POU6F2: variants seen among roughly 807,000 people sequenced by gnomAD.
POU6F2 encodes POU class 6 homeobox 2.
A neutral mutation model predicts 71.3 loss-of-function variants in POU6F2; 31 were observed. The observed-to-expected ratio is 0.43, with a 90% CI of 0.33 to 0.59. The LOEUF (loss-of-function observed/expected upper bound fraction) is 0.59, where lower values mean the gene tolerates loss of function less well. Among genes scored for constraint, POU6F2 ranks in the 20% least tolerant of loss-of-function variants. The pLI is 0.04. For missense variants in POU6F2, 783 were observed against 856.8 expected (o/e 0.91, Z 1.07); for synonymous variants, 347 against 355.7 (o/e 0.98, Z 0.27).
rs1371043425 is a variant in POU6F2 at position 39,260,162 on chromosome 7, C to T, written c.598+52542C>T. 7.4e-5 allele frequency among the ~76,000 whole-genome samples: 11 copies of T among 147,844 alleles called. No individual in the cohort carries two copies. The South Asian group carries it at 8.6e-4, about 12-fold the overall frequency. ...ACACACTCTGTACTCATACACACAC[C>T]GCACACACTCCATACTGTGCTCACA... On this transcript the variant is annotated intron_variant, in intron 4 of 9. Transcript: ENST00000518318.
chr7:39,000,856 G>T (rs1391343820), intron 1 of POU6F2, among the ~76,000 whole-genome samples: 1 of 152,028 alleles, frequency 6.6e-6, no homozygotes, highest in Non-Finnish European at 1.5e-5. Context: ...CTTTTCCTTA[G>T]ATCTCCCAAC....
chr7:39,131,162 C>A (rs1243549200), intron 2 of POU6F2, among the ~76,000 whole-genome samples: 1 of 152,154 alleles, frequency 6.6e-6, no homozygotes. Flanking sequence ...GCTCAGATTC[C>A]CGCTCCTCCG....
chr7:39,315,951 G>A (rs758118943), intron 4 of POU6F2, among the ~76,000 whole-genome samples: 4 of 152,172 alleles, frequency 2.6e-5, no homozygotes, highest in Non-Finnish European at 5.9e-5. Context: ...TCTCCTGTGA[G>A]AAAAATTCTG....
intron 4 of POU6F2, among the ~76,000 whole-genome samples, chr7:39,301,411 G>T (rs926184616): frequency 6.6e-6 from 1 of 152,184 alleles, no homozygotes; most frequent in Non-Finnish European, 1.5e-5. Context: ...TTCTGTTGTT[G>T]AATCCATTGT....
intron 4 of POU6F2, among the ~76,000 whole-genome samples, chr7:39,305,051 T>C (rs1159909007): frequency 6.6e-6 from 1 of 152,272 alleles, no homozygotes; most frequent in Non-Finnish European, 1.5e-5. Context: ...TCTGCAATTA[T>C]GTATACTATA....
chr7:39,146,741 G>C (rs138528277), intron 2 of POU6F2, among the ~76,000 whole-genome samples: 5 of 152,196 alleles, frequency 3.3e-5, no homozygotes, highest in Non-Finnish European at 7.4e-5. Flanking sequence ...TTTTATTTCT[G>C]ATTCTCATCG....
intron 4 of POU6F2, among the ~76,000 whole-genome samples, chr7:39,241,393 A>G (rs1783723561): frequency 6.6e-6 from 1 of 152,194 alleles, no homozygotes; most frequent in African/African-American, 2.4e-5. Flanking sequence ...AGATGTTAAA[A>G]TGCCAAATGG....
chr7:39,411,201 C>T (rs144842891), intron 6 of POU6F2, among the ~76,000 whole-genome samples: 74 of 152,162 alleles, frequency 4.9e-4, no homozygotes, highest in African/African-American at 1.6e-3. Context: ...TTGGATAGTT[C>T]GGCAGGGAGG....
At chr7:38,990,834 C>T (rs868179294) in intron 1 of POU6F2, among the ~76,000 whole-genome samples, 3 of 151,948 alleles carry the variant, frequency 2.0e-5, no homozygotes, top group South Asian at 2.1e-4. Context: ...CCCAGCAATG[C>T]GGGAAATTGG....
intron 2 of POU6F2, among the ~76,000 whole-genome samples, chr7:39,166,442 G>A (rs562246377): frequency 6.6e-6 from 1 of 152,238 alleles, no homozygotes; most frequent in African/African-American, 2.4e-5. Flanking sequence ...TTCGCCTGCT[G>A]AATTATGGAT....
intron 6 of POU6F2, among the ~76,000 whole-genome samples, chr7:39,427,551 T>C (rs569709838): frequency 1.2e-4 from 18 of 152,298 alleles, no homozygotes; most frequent in Admixed American, 6.5e-4. Context: ...TCCAAGTTCT[T>C]TACTCTTGTC....
intron 4 of POU6F2, among the ~76,000 whole-genome samples, chr7:39,252,403 C>G (rs6977505): frequency 0.34 from 19,053 of 56,792 alleles, 1,505 homozygotes; most frequent in African/African-American, 0.46. Context: ...CAGACAGACA[C>G]ACACACACAC....
At chr7:39,351,880 G>A (rs1284365848) in intron 5 of POU6F2, among the ~76,000 whole-genome samples, 1 of 152,170 alleles carries the variant, frequency 6.6e-6, no homozygotes, top group Non-Finnish European at 1.5e-5. Flanking sequence ...CACCCACTGC[G>A]CAAATCTGCC....
At chr7:39,239,597 A>G (rs1783675974) in intron 4 of POU6F2, among the ~76,000 whole-genome samples, 2 of 152,156 alleles carry the variant, frequency 1.3e-5, no homozygotes, top group African/African-American at 2.4e-5. Flanking sequence ...GACCAAGATC[A>G]TTAGGGAAGG....
In POU6F2 at chr7:39,085,811, A is replaced by C. The variant is rs756769156; in HGVS notation, c.106-49A>C. Reference sequence around the variant, plus strand: ...AGGGAGAGAGAGGACACGCACTCTAAATCTGCCACTTTTTTTTTCCTCCCC... The same window carrying C: ...AGGGAGAGAGAGGACACGCACTCTACATCTGCCACTTTTTTTTTCCTCCCC... On this transcript the variant is annotated intron_variant, in intron 1 of 9. Coordinates refer to ENST00000518318, the MANE Select transcript of POU6F2 (RefSeq NM_001370959.1). The C allele has an allele frequency of 3.8e-6, 6 of 1,595,756 alleles. No individual in the cohort carries two copies. The Admixed American group carries it at 5.1e-5, about 14-fold the overall frequency.
At chr7:38,994,400 G>A (rs1357244054) in intron 1 of POU6F2, among the ~76,000 whole-genome samples, 2 of 152,084 alleles carry the variant, frequency 1.3e-5, no homozygotes, top group Non-Finnish European at 2.9e-5. Context: ...AGGAAGGGAA[G>A]GATAATTCTG....
chr7:39,239,223 C>G (rs1783662435), intron 4 of POU6F2, among the ~76,000 whole-genome samples: 1 of 152,098 alleles, frequency 6.6e-6, no homozygotes, highest in African/African-American at 2.4e-5. Context: ...CCACCACTGA[C>G]TAGTGATAAG....
rs1789098532 is a variant in POU6F2, at chr7:39,467,489, A to C, written c.*2803A>C. 2 of 152,222 alleles carry C rather than the reference A, an allele frequency of 1.3e-5. No homozygotes were observed. Among genetic ancestry groups the C allele is most frequent in the African/African-American group, 4.8e-5 (2 of 41,458 alleles). The allele number at this position is 152,222 out of a possible 1,614,324, so 9.4% of individuals were successfully genotyped here. On this transcript the variant is annotated 3_prime_UTR_variant, in exon 10 of 10. Transcript: ENST00000518318. ...ACAAAAAATAAAAGCCACTTTGGGC[A>C]TATGTGATTGTATTTCAAGCTTCAG...
chr7:39,451,480 T>C, intron 7 of POU6F2, 53 bp from the exon 8 acceptor site: 1 of 1,509,622 alleles, frequency 6.6e-7, no homozygotes, highest in Non-Finnish European at 9.0e-7. Flanking sequence ...CCCTGGCATT[T>C]TTCCCCTAAT....
Sources: allele counts gnomAD v4.1 joint callset (sites outside exome capture counted in the v4.1 genomes callset), GRCh38; gene constraint gnomAD v4.1.1; transcripts MANE v1.5; gene names NCBI Gene and HGNC (gene_info 2026-07-23, HGNC 2026-07-21).